Variants in NAPEPLD observed in about 807,000 individuals in gnomAD.
The protein encoded by NAPEPLD is N-acyl phosphatidylethanolamine phospholipase D, also known as N-acyl-phosphatidylethanolamine-hydrolyzing phospholipase D.
Under a neutral mutation model 38.1 loss-of-function variants are expected in NAPEPLD, and 23 were observed. That is an observed-to-expected ratio of 0.60 (90% CI 0.43 to 0.86). NAPEPLD has a LOEUF of 0.86. NAPEPLD is among the 40% of genes least tolerant of loss of function. NAPEPLD has a pLI of 0.00. For missense variants in NAPEPLD, 411 were observed against 476.8 expected (o/e 0.86, Z 1.28); for synonymous variants, 147 against 162.0 (o/e 0.91, Z 0.71).
chr7:103,147,404 T>C (rs1165191198), intron 1 of NAPEPLD, among the ~76,000 whole-genome samples: 1 of 152,242 alleles, frequency 6.6e-6, no homozygotes, highest in African/African-American at 2.4e-5. Context: ...GTCCTCCAGC[T>C]ATAGCTATAT....
chr7:103,107,480 A>G (rs923080530), intron 4 of NAPEPLD, among the ~76,000 whole-genome samples: 11 of 152,160 alleles, frequency 7.2e-5, no homozygotes, highest in Non-Finnish European at 1.2e-4. Context: ...TTCTAACCCA[A>G]TGCAAGGAAG....
chr7:103,149,586 G>T (rs1813312156), upstream of NAPEPLD: 3 of 932,814 alleles, frequency 3.2e-6, no homozygotes, highest in African/African-American at 1.8e-5. Flanking sequence ...CCCTTACCAA[G>T]ATGGCCGCCC....
At chr7:103,114,139 C>T (rs1191695066) in intron 4 of NAPEPLD, among the ~76,000 whole-genome samples, 2 of 152,110 alleles carry the variant, frequency 1.3e-5, no homozygotes, top group African/African-American at 4.8e-5. Context: ...TCAAGTGATC[C>T]ACCTGCCTCA....
At position 103,130,160 on chromosome 7, in the gene NAPEPLD, T is replaced by C. The variant is rs1314486819; in HGVS notation, c.-16-1368A>G. Among the ~76,000 whole-genome samples the C allele has an allele frequency of 3.3e-5, 5 of 152,356 alleles. No homozygotes were observed. In the East Asian group the frequency reaches 7.7e-4, roughly 23 times the overall value. On this transcript the variant is annotated intron_variant, in intron 1 of 4. Coordinates refer to ENST00000465647, the MANE Select transcript of NAPEPLD (RefSeq NM_001122838.3). ...CACAGTAACAGAAAGCCAAATATTA[T>C]TTTTATGGCTACAATGGTGTTTAAA...
At position 103,129,256 on chromosome 7, in the gene NAPEPLD, CATGA is replaced by C. The variant is rs1371161821; in HGVS notation, c.-16-468_-16-465del. 7 of 954,526 alleles carry C rather than the reference CATGA, an allele frequency of 7.3e-6. No homozygotes were observed. In the South Asian group the frequency reaches 1.5e-4, roughly 20 times the overall value. The allele number at this position is 954,526 out of a possible 1,614,324, so 59.1% of individuals were successfully genotyped here. On this transcript the variant is annotated intron_variant, in intron 1 of 4. Coordinates refer to ENST00000465647, the MANE Select transcript of NAPEPLD (RefSeq NM_001122838.3). ...CAAACAAACAAACAAACAAAACAAA[CATGA>C]AAGAAAGAAGGATGTTTGCTTTACC...
At chr7:103,149,217 G>GA (rs533884162), upstream of NAPEPLD, 12,436 of 997,436 alleles carry the variant, frequency 0.012, 83 homozygotes, top group Non-Finnish European at 0.014. Context: ...GGACACTCGG[G>GA]ATCCCGGGCC....
chr7:103,132,245 C>T (rs1809102466), intron 1 of NAPEPLD, among the ~76,000 whole-genome samples: 1 of 152,150 alleles, frequency 6.6e-6, no homozygotes, highest in Non-Finnish European at 1.5e-5. Flanking sequence ...AACTCATGCT[C>T]CTAGCAAACC....
At chr7:103,135,592 CAACCAGTTTT>C in intron 1 of NAPEPLD, among the ~76,000 whole-genome samples, 1 of 152,196 alleles carries the variant, frequency 6.6e-6, no homozygotes, top group African/African-American at 2.4e-5. Context: ...CTTAGCAAAA[CAACCAGTTTT>C]GCTAAGAAGC....
At chr7:103,141,240 G>GTTTTTTTT in intron 1 of NAPEPLD, 1 of 10,048 alleles carries the variant, frequency 1.0e-4, no homozygotes, top group African/African-American at 2.2e-4. Context: ...CTGTGGAGTT[G>GTTTTTTTT]TTTTTTTTTT....
rs183232327 is a variant in NAPEPLD at position 103,108,495 on chromosome 7, T to G, written c.1057-4941A>C. Among the ~76,000 whole-genome samples, 24 of 152,278 alleles carry G rather than the reference T, an allele frequency of 1.6e-4. No homozygotes were observed. The East Asian group carries it at 4.4e-3, about 28-fold the overall frequency. On this transcript the variant is annotated intron_variant, in intron 4 of 4. Coordinates refer to ENST00000465647, the MANE Select transcript of NAPEPLD (RefSeq NM_001122838.3). ...AATTTCATATGCAGCCAAACTAAGC[T>G]TCAAAGCGAAGGTGAAATAAAATCC...
upstream of NAPEPLD, chr7:103,149,452 G>A (rs894770720): frequency 4.0e-6 from 5 of 1,259,738 alleles, no homozygotes; most frequent in Admixed American, 7.5e-5. Flanking sequence ...GCAGCTGCAG[G>A]CAGCGCTTCA....
intron 1 of NAPEPLD, among the ~76,000 whole-genome samples, chr7:103,137,068 T>C (rs1810223402): frequency 6.6e-6 from 1 of 152,148 alleles, no homozygotes; most frequent in Admixed American, 6.5e-5. Context: ...GCCTCCCAAA[T>C]AGCTGGGATT....
intron 1 of NAPEPLD, among the ~76,000 whole-genome samples, chr7:103,145,066 G>A (rs1017952015): frequency 6.6e-6 from 1 of 152,068 alleles, no homozygotes; most frequent in African/African-American, 2.4e-5. Context: ...AAAACCTGGA[G>A]GGTTGATCAT....
At chr7:103,108,998 G>T (rs1043839402) in intron 4 of NAPEPLD, among the ~76,000 whole-genome samples, 8 of 152,034 alleles carry the variant, frequency 5.3e-5, no homozygotes, top group African/African-American at 1.9e-4. Context: ...ACAAAGAAGG[G>T]CATTACATAA....
rs1806390611 is a variant in NAPEPLD, at chr7:103,120,284, T to C, written c.295-61A>G. 3 of 1,509,564 alleles carry C rather than the reference T, an allele frequency of 2.0e-6. No homozygotes were observed. In the African/African-American group the frequency reaches 4.2e-5, roughly 21 times the overall value. 93.5% of individuals were successfully genotyped at this position (1,509,564 alleles called of 1,614,324 possible). On this transcript the variant is annotated intron_variant, in intron 2 of 4. Transcript: ENST00000465647. ...TAGAAAAAAAAGTATTATATCATCA[T>C]AGTCCACATTTTGACCTAAATAATG...
chr7:103,106,840 C>T (rs1299416288), intron 4 of NAPEPLD, among the ~76,000 whole-genome samples: 3 of 152,118 alleles, frequency 2.0e-5, no homozygotes, highest in African/African-American at 7.2e-5. Context: ...CAGACTTAAA[C>T]GTCCCTGCCT....
chr7:103,143,973 G>A (rs1812034455), intron 1 of NAPEPLD, among the ~76,000 whole-genome samples: 1 of 152,158 alleles, frequency 6.6e-6, no homozygotes, highest in African/African-American at 2.4e-5. Flanking sequence ...AGGAGCCACG[G>A]CACCTGGTCC....
At chr7:103,146,135 T>C (rs77595107) in intron 1 of NAPEPLD, among the ~76,000 whole-genome samples, 4,472 of 151,954 alleles carry the variant, frequency 0.029, 93 homozygotes, top group Non-Finnish European at 0.046. Flanking sequence ...ATACAGAAAA[T>C]AATAACTTTC....
At chr7:103,113,700 G>A (rs946068563) in intron 4 of NAPEPLD, among the ~76,000 whole-genome samples, 6 of 142,806 alleles carry the variant, frequency 4.2e-5, no homozygotes, top group Admixed American at 1.5e-4. Flanking sequence ...CCGTAATCTC[G>A]GCTCACTGCA....
Sources: gnomAD v4.1 joint callset for allele counts (sites outside exome capture counted in the v4.1 genomes callset) on GRCh38, gnomAD v4.1.1 for gene constraint, MANE v1.5 for transcripts, NCBI Gene and HGNC (gene_info 2026-07-23, HGNC 2026-07-21) for gene names.